MYLK: variants seen among roughly 807,000 people sequenced by gnomAD.
MYLK encodes the protein myosin light chain kinase, smooth muscle.
Under a neutral mutation model 203.4 loss-of-function variants are expected in MYLK, and 106 were observed. The ratio of observed to expected loss-of-function variants is 0.52; its 90% CI spans 0.45 to 0.61. MYLK has a LOEUF of 0.61. MYLK is among the 20% of genes least tolerant of loss of function. The probability of loss-of-function intolerance (pLI) is 0.00; values close to 1 mark genes in which losing one functional copy is unlikely to be tolerated. For missense variants in MYLK, 2,072 were observed against 2,442.3 expected (o/e 0.85, Z 3.20); for synonymous variants, 867 against 959.5 (o/e 0.90, Z 1.78).
chr3:123,861,495 G>A (rs117317715), intron 2 of MYLK, among the ~76,000 whole-genome samples: 1 of 152,386 alleles, frequency 6.6e-6, no homozygotes, highest in East Asian at 1.9e-4. Flanking sequence ...TATTACTGTT[G>A]GAAGGGAGAA....
At chr3:123,650,697 G>A (rs1469034043) in intron 24 of MYLK, among the ~76,000 whole-genome samples, 1 of 152,204 alleles carries the variant, frequency 6.6e-6, no homozygotes, top group East Asian at 1.9e-4. Context: ...CTGTCGGGAT[G>A]TGGGCCTAAC....
At chr3:123,708,026 G>C in intron 15 of MYLK, 23 bp from the exon 16 acceptor site, 1 of 1,613,676 alleles carries the variant, frequency 6.2e-7, no homozygotes, top group Non-Finnish European at 8.5e-7. Flanking sequence ...AAAGGGCAGA[G>C]CTAAACAGGG....
rs3085274 is a variant in MYLK, at chr3:123,713,579, A to ATG, written c.1805-3688_1805-3687dup. Among the ~76,000 whole-genome samples the ATG allele has an allele frequency of 5.1e-3, 699 of 136,456 alleles. 8 individuals are homozygous for ATG. The highest frequency in any genetic ancestry group is 0.018 in the African/African-American group (646 of 35,648). The allele number at this position is 136,456 out of a possible 152,430, so 89.5% of individuals were successfully genotyped here. On this transcript the variant is annotated intron_variant, in intron 13 of 33. Coordinates refer to ENST00000360304, the MANE Select transcript of MYLK (RefSeq NM_053025.4). The stretch of plus-strand genomic sequence containing the variant: ...CAAGCCAGGTGAAAAGAGCAACACA[A>ATG]TGTGTGTGTGTGTGTGTGTGTGTGT...
intron 33 of MYLK, among the ~76,000 whole-genome samples, chr3:123,615,166 C>G (rs955326442): frequency 6.6e-6 from 1 of 150,738 alleles, no homozygotes; most frequent in African/African-American, 2.4e-5. Flanking sequence ...GTGGCTCATA[C>G]CTGTAATCCC....
chr3:123,760,261 C>G (rs757242666), intron 4 of MYLK, among the ~76,000 whole-genome samples: 2 of 152,222 alleles, frequency 1.3e-5, no homozygotes, highest in Non-Finnish European at 2.9e-5. Flanking sequence ...TCACCGCAAC[C>G]TCCGCCTCCC....
chr3:123,664,038 A>T (rs1487360062), intron 23 of MYLK, 67 bp downstream of exon 23: 1 of 1,607,538 alleles, frequency 6.2e-7, no homozygotes, highest in Non-Finnish European at 8.5e-7. Flanking sequence ...AGGCCCACGT[A>T]TCTTGCCTGG....
At chr3:123,744,439 T>A (rs1052779854) in intron 5 of MYLK, among the ~76,000 whole-genome samples, 2 of 152,134 alleles carry the variant, frequency 1.3e-5, no homozygotes, top group Admixed American at 1.3e-4. Context: ...AATAAAAAGA[T>A]GTATTATATA....
At chr3:123,774,725 T>C (rs929707196) in intron 4 of MYLK, among the ~76,000 whole-genome samples, 1 of 152,210 alleles carries the variant, frequency 6.6e-6, no homozygotes, top group East Asian at 1.9e-4. Flanking sequence ...TATTTTGTAA[T>C]TGAATAAATT....
Position 123,707,010 on chromosome 3 carries a change from G to A in MYLK, c.2390+744C>T, listed in dbSNP as rs192663374. Among the ~76,000 whole-genome samples, 5 of 152,336 alleles carry A rather than the reference G, an allele frequency of 3.3e-5. No homozygotes were observed. In the East Asian group the frequency reaches 5.8e-4, roughly 18 times the overall value. ...TTCTAACAAAGTCGGAAGTGATGGC[G>A]TGTGGCTTCCAAGGGTAGGTCTTAA... On this transcript the variant is annotated intron_variant, in intron 16 of 33. Coordinates refer to ENST00000360304, the MANE Select transcript of MYLK (RefSeq NM_053025.4).
chr3:123,863,578 T>A (rs1011003883), intron 2 of MYLK, among the ~76,000 whole-genome samples: 1 of 152,086 alleles, frequency 6.6e-6, no homozygotes, highest in Non-Finnish European at 1.5e-5. Flanking sequence ...GAAAGATACA[T>A]AAATGGCCAA....
At chr3:123,872,009 C>G (rs2032823659) in intron 2 of MYLK, among the ~76,000 whole-genome samples, 1 of 151,696 alleles carries the variant, frequency 6.6e-6, no homozygotes, top group Non-Finnish European at 1.5e-5. Flanking sequence ...TGTAATTCCA[C>G]ATATCAATAG....
intron 18 of MYLK, among the ~76,000 whole-genome samples, chr3:123,695,690 C>G (rs533035591): frequency 6.6e-6 from 1 of 152,148 alleles, no homozygotes; most frequent in African/African-American, 2.4e-5. Flanking sequence ...TTTTAAAAAG[C>G]CTTTGCAAAA....
At chr3:123,667,437 A>G (rs974599806) in intron 20 of MYLK, among the ~76,000 whole-genome samples, 70 of 151,994 alleles carry the variant, frequency 4.6e-4, no homozygotes, top group Non-Finnish European at 8.5e-4. Flanking sequence ...CCCCATCTCT[A>G]CTAAAAATAC....
intron 2 of MYLK, among the ~76,000 whole-genome samples, chr3:123,834,140 T>A (rs1275494479): frequency 6.6e-5 from 10 of 152,150 alleles, no homozygotes; most frequent in African/African-American, 2.4e-4. Flanking sequence ...CTGCCTCCCA[T>A]GTTCAAGTGA....
chr3:123,648,921 C>G lies in MYLK; in HGVS notation c.4415+50G>C. 1 of 1,520,572 alleles carries G rather than the reference C, an allele frequency of 6.6e-7. No homozygotes were observed. Among genetic ancestry groups the G allele is most frequent in the Non-Finnish European group, 9.1e-7 (1 of 1,096,112 alleles). 94.2% of individuals were successfully genotyped at this position (1,520,572 alleles called of 1,614,324 possible). ...AGGCACTGAATCTAACTGTGAGACC[C>G]GCACCACCCTCACCCTGGGAGCCCA... is the stretch of plus-strand genomic sequence containing the variant. On this transcript the variant is annotated intron_variant, in intron 26 of 33. Transcript: ENST00000360304. This position sits in a 1 kb window ranked among gnomAD's most constrained non-coding sequence, Gnocchi z 4.5.
At chr3:123,744,133 T>C (rs1195625554) in intron 5 of MYLK, among the ~76,000 whole-genome samples, 1 of 152,212 alleles carries the variant, frequency 6.6e-6, no homozygotes, top group African/African-American at 2.4e-5. Flanking sequence ...TAATCACACA[T>C]ACACGTATGT....
At chr3:123,706,001 C>A (rs192130324) in intron 16 of MYLK, among the ~76,000 whole-genome samples, 142 of 152,218 alleles carry the variant, frequency 9.3e-4, no homozygotes, top group African/African-American at 3.4e-3. Flanking sequence ...GGCAGAGTGG[C>A]CTTCCTGGTA....
At chr3:123,664,322 C>T in intron 22 of MYLK, 64 bp from the exon 23 acceptor site, 5 of 1,601,106 alleles carry the variant, frequency 3.1e-6, no homozygotes, top group Non-Finnish European at 4.3e-6. Flanking sequence ...AGGAAGGGGG[C>T]TCCTCCCCAT....
intron 2 of MYLK, among the ~76,000 whole-genome samples, chr3:123,841,450 T>C (rs2066589719): frequency 6.6e-6 from 1 of 152,144 alleles, no homozygotes; most frequent in Admixed American, 6.5e-5. Context: ...CTTGTAAAAA[T>C]ATTTTTCTGT....
Sources: allele counts gnomAD v4.1 joint callset (sites outside exome capture counted in the v4.1 genomes callset), GRCh38; gene constraint gnomAD v4.1.1; non-coding constraint Gnocchi (gnomAD v3.1); transcripts MANE v1.5; gene names NCBI Gene and HGNC (gene_info 2026-07-23, HGNC 2026-07-21).